JARID2: variants seen among roughly 807,000 people sequenced by gnomAD.
JARID2 encodes the protein protein Jumonji.
In JARID2, 21 loss-of-function variants were observed where a neutral mutation model predicts 125.6. The ratio of observed to expected loss-of-function variants is 0.17; its 90% CI spans 0.12 to 0.24. The LOEUF (loss-of-function observed/expected upper bound fraction) is 0.24, where lower values mean the gene tolerates loss of function less well. Ranked by LOEUF, JARID2 falls within the 10% of genes least tolerant of loss-of-function variation. The pLI, the probability that JARID2 is intolerant of heterozygous loss-of-function variation, is 1.00. For missense variants in JARID2, 1,303 were observed against 1,639.6 expected (o/e 0.79, Z 3.55); for synonymous variants, 736 against 661.6 (o/e 1.11, Z -1.73).
intron 4 of JARID2, among the ~76,000 whole-genome samples, chr6:15,465,281 C>CCT (rs1768663281): frequency 1.3e-5 from 2 of 151,888 alleles, no homozygotes; most frequent in African/African-American, 4.8e-5. Context: ...AGCGAGATCC[C>CCT]GTTCCTACAA....
intron 1 of JARID2, among the ~76,000 whole-genome samples, chr6:15,276,439 G>A (rs1760524205): frequency 6.6e-6 from 1 of 152,186 alleles, no homozygotes; most frequent in African/African-American, 2.4e-5. Context: ...ATATGATTTG[G>A]CATTGTCACA....
intron 1 of JARID2, among the ~76,000 whole-genome samples, chr6:15,266,123 A>G (rs1760074179): frequency 6.6e-6 from 1 of 151,330 alleles, no homozygotes; most frequent in Non-Finnish European, 1.5e-5. Flanking sequence ...TCTCCTGGAG[A>G]CATTTGTGTC....
At chr6:15,360,883 G>A (rs991363176) in intron 1 of JARID2, among the ~76,000 whole-genome samples, 3 of 152,120 alleles carry the variant, frequency 2.0e-5, no homozygotes, top group Admixed American at 2.0e-4. Context: ...AGCAAGGTCC[G>A]CCAACCTTGA....
intron 1 of JARID2, among the ~76,000 whole-genome samples, chr6:15,260,734 T>C (rs1759841729): frequency 2.0e-5 from 3 of 152,230 alleles, no homozygotes; most frequent in Admixed American, 1.3e-4. Flanking sequence ...GCTATTAAAA[T>C]GGGTTTTCTT....
chr6:15,465,814 G>GTTTTTTT (rs1177497133), intron 4 of JARID2, among the ~76,000 whole-genome samples: 1 of 144,732 alleles, frequency 6.9e-6, no homozygotes, highest in African/African-American at 2.5e-5. Context: ...TTGTTTGTTT[G>GTTTTTTT]TTTTTTTGAG....
intron 1 of JARID2, among the ~76,000 whole-genome samples, chr6:15,363,464 T>C (rs1192432191): frequency 2.0e-5 from 3 of 152,306 alleles, no homozygotes; most frequent in Non-Finnish European, 4.4e-5. Flanking sequence ...AATTCCAGAA[T>C]TGGAATCCAG....
chr6:15,332,275 A>G (rs566952023), intron 1 of JARID2, among the ~76,000 whole-genome samples: 2 of 152,328 alleles, frequency 1.3e-5, no homozygotes, highest in African/African-American at 4.8e-5. Context: ...TACCTCAGGA[A>G]TTTAATTTTT....
intron 1 of JARID2, among the ~76,000 whole-genome samples, chr6:15,250,547 G>A (rs1471426724): frequency 6.6e-6 from 1 of 152,210 alleles, no homozygotes; most frequent in African/African-American, 2.4e-5. Flanking sequence ...TACAGGGACA[G>A]TATGGAAGGA....
chr6:15,416,850 A>G (rs1464087752), intron 3 of JARID2, among the ~76,000 whole-genome samples: 2 of 152,104 alleles, frequency 1.3e-5, no homozygotes, highest in South Asian at 4.1e-4. Context: ...CTTTTATTCC[A>G]CTCAGTTCTT....
intron 5 of JARID2, among the ~76,000 whole-genome samples, chr6:15,483,388 GTTTTTTT>G (rs56938840): frequency 4.0e-5 from 6 of 148,662 alleles, no homozygotes; most frequent in Admixed American, 2.0e-4. Context: ...GAAACTGGCT[GTTTTTTT>G]TTTTTAACTG....
At chr6:15,517,361 G>T (rs1345627852) in intron 17 of JARID2, 93 bp downstream of exon 17, 4 of 865,782 alleles carry the variant, frequency 4.6e-6, no homozygotes, top group Non-Finnish European at 7.7e-6. Context: ...GCAGTTCTGT[G>T]CCTGGCGGGT....
At chr6:15,415,534 C>A (rs1346718510) in intron 3 of JARID2, among the ~76,000 whole-genome samples, 1 of 126,978 alleles carries the variant, frequency 7.9e-6, no homozygotes, top group Non-Finnish European at 1.7e-5. Flanking sequence ...AGAGGCGCCC[C>A]TCACCTCCCG....
chr6:15,326,420 T>G (rs1762536185), intron 1 of JARID2, among the ~76,000 whole-genome samples: 1 of 152,238 alleles, frequency 6.6e-6, no homozygotes, highest in South Asian at 2.1e-4. Flanking sequence ...CAGGCTGTCC[T>G]TGAAGTCCTG....
intron 3 of JARID2, among the ~76,000 whole-genome samples, chr6:15,420,132 C>A (rs1197054271): frequency 2.0e-5 from 3 of 152,140 alleles, no homozygotes; most frequent in Non-Finnish European, 4.4e-5. Flanking sequence ...TTAGAAGTTA[C>A]AGCTGGGCAC....
At chr6:15,361,001 G>A (rs759388283) in intron 1 of JARID2, among the ~76,000 whole-genome samples, 69 of 151,988 alleles carry the variant, frequency 4.5e-4, no homozygotes, top group Non-Finnish European at 8.7e-4. Flanking sequence ...TCTGAGTTTC[G>A]ATTAAAACCA....
At chr6:15,378,918 T>G (rs552315864) in intron 2 of JARID2, among the ~76,000 whole-genome samples, 1 of 152,332 alleles carries the variant, frequency 6.6e-6, no homozygotes, top group East Asian at 1.9e-4. Flanking sequence ...ATTGGCATCC[T>G]GGTGTGATGA....
intron 16 of JARID2, among the ~76,000 whole-genome samples, chr6:15,515,792 A>G (rs1771520357): frequency 6.6e-6 from 1 of 151,578 alleles, no homozygotes; most frequent in South Asian, 2.1e-4. Flanking sequence ...ACGGTGGCTT[A>G]TGCTTGTAAT....
chr6:15,500,589 T>G (rs1770686080), intron 7 of JARID2, among the ~76,000 whole-genome samples: 1 of 152,072 alleles, frequency 6.6e-6, no homozygotes, highest in African/African-American at 2.4e-5. Context: ...ACTGGGATGT[T>G]CCTCCCTGTA....
chr6:15,505,990 T>C (rs918038651), intron 9 of JARID2, among the ~76,000 whole-genome samples: 2 of 152,248 alleles, frequency 1.3e-5, no homozygotes, highest in African/African-American at 4.8e-5. Flanking sequence ...AAGTTTATTA[T>C]CCATGATGCG....
Sources: allele counts gnomAD v4.1 joint callset (sites outside exome capture counted in the v4.1 genomes callset), GRCh38; gene constraint gnomAD v4.1.1; transcripts MANE v1.5; gene names NCBI Gene and HGNC (gene_info 2026-07-23, HGNC 2026-07-21).